ERCC6: variants seen among roughly 807,000 people sequenced by gnomAD.
ERCC6 encodes DNA excision repair protein ERCC-6.
In ERCC6, 116 loss-of-function variants were observed where a neutral mutation model predicts 158.7. The ratio of observed to expected loss-of-function variants is 0.73; its 90% CI spans 0.63 to 0.85. The LOEUF (loss-of-function observed/expected upper bound fraction) is 0.85, where lower values mean the gene tolerates loss of function less well. Among genes scored for constraint, ERCC6 ranks in the 40% least tolerant of loss-of-function variants. The pLI is 0.00. For synonymous variants in ERCC6, 678 were observed against 659.3 expected (o/e 1.03, Z -0.43); for missense variants, 1,698 against 1,799.4 (o/e 0.94, Z 1.02).
rs1227311839 is a variant in ERCC6, at chr10:49,478,456, G to A, written c.2184C>T (p.Tyr728=). 1.2e-6 allele frequency: 2 copies of A among 1,610,938 alleles called. No homozygotes were observed. Among genetic ancestry groups the A allele is most frequent in the East Asian group, 2.2e-5 (1 of 44,854 alleles). ...TATCTCGTAAGACACATGCACACTTGTAAGCAGTTTTGACCTTTAATAAGA... is the reference window on the plus strand; with the variant it reads ...TATCTCGTAAGACACATGCACACTTATAAGCAGTTTTGACCTTTAATAAGA... The part of the protein sequence containing the change: ...NASPVQVKTA[Y]KCACVLRDTI... Residue 728 remains tyrosine, a synonymous_variant, in exon 11 of 21, where the codon TAC becomes TAT. Coordinates refer to ENST00000355832, the MANE Select transcript of ERCC6 (RefSeq NM_000124.4).
chr10:49,524,018 TC>T lies in ERCC6; in HGVS notation c.1397+14del, dbSNP rs1328662202. On this transcript the variant is annotated intron_variant, in intron 5 of 20. Transcript: ENST00000355832. ...AGCAAACAGTACAATGTATTTATAA[TC>T]CCCACAGACCGACCTTAACCGCTGC... 1 of 1,612,254 alleles carries T rather than the reference TC, an allele frequency of 6.2e-7. No homozygotes were observed. Among genetic ancestry groups the T allele is most frequent in the African/African-American group, 1.3e-5 (1 of 74,886 alleles).
rs567566496 is a variant in ERCC6 at position 49,513,183 on chromosome 10, G to A, written c.1398-7171C>T. 5.3e-5 allele frequency among the ~76,000 whole-genome samples: 8 copies of A among 152,222 alleles called. No individual in the cohort carries two copies. In the East Asian group the frequency reaches 1.5e-3, roughly 29 times the overall value. ...TACTGCTGTGATCCCCATCTTACAG[G>A]TGAGTGGATACACAAGACCTCAGAG... On this transcript the variant is annotated intron_variant, in intron 5 of 20. Transcript: ENST00000355832.
chr10:49,483,571 C>A, intron 8 of ERCC6, 55 bp from the exon 9 acceptor site: 2 of 1,515,338 alleles, frequency 1.3e-6, no homozygotes, highest in Non-Finnish European at 1.8e-6. Context: ...GACACCCTTT[C>A]AATCATGACA....
At chr10:49,515,092 GCTCT>G (rs376628378) in intron 5 of ERCC6, 76 of 814,250 alleles carry the variant, frequency 9.3e-5, no homozygotes, top group Non-Finnish European at 9.0e-5. Context: ...AAGGCAATGT[GCTCT>G]CTAAGAAAAC....
At position 49,460,434 on chromosome 10, in the gene ERCC6, T is replaced by C. The variant is rs767587702; in HGVS notation, c.4001A>G (p.Lys1334Arg). ...PAGKKSRFGK[K>R]RNSNFSVQHP... ...CTGCACAGAGAAGTTAGAATTCCTT[T>C]TCTTACCAAATCTACTCCTAAAAAA... Residue 1334 changes from lysine to arginine, a missense_variant, in exon 20 of 21, where the codon AAA (lysine) becomes AGA (arginine). By Grantham distance (26) the Lys-to-Arg change is conservative (BLOSUM62 2). Coordinates refer to ENST00000355832, the MANE Select transcript of ERCC6 (RefSeq NM_000124.4). 6 of 1,612,954 alleles carry C rather than the reference T, an allele frequency of 3.7e-6. No individual in the cohort carries two copies. In the East Asian group the frequency reaches 1.3e-4, roughly 36 times the overall value.
At chr10:49,448,206 G>A in the ERCC6 span, among the ~76,000 whole-genome samples, 1 of 152,262 alleles carries the variant, frequency 6.6e-6, no homozygotes, top group Non-Finnish European at 1.5e-5. Flanking sequence ...TTGTTATTGA[G>A]TTTTAAAAAA....
chr10:49,442,342 GCGAAAGCAAAGGCACAGGGCAC>G, the ERCC6 span, among the ~76,000 whole-genome samples: 2 of 152,222 alleles, frequency 1.3e-5, no homozygotes, highest in African/African-American at 4.8e-5. Flanking sequence ...GTCTTGCAAA[GCGAAAGCAAAGGCACAGGGCAC>G]CGAATTCCCT....
chr10:49,500,586 A>G lies in ERCC6; in HGVS notation c.1637T>C (p.Leu546Ser). 1 of 1,614,032 alleles carries G rather than the reference A, an allele frequency of 6.2e-7. No homozygotes were observed. Among genetic ancestry groups the G allele is most frequent in the Non-Finnish European group, 8.5e-7 (1 of 1,179,922 alleles). The change falls in exon 7 of 21, where the codon TTG (leucine) becomes TCG (serine). Residue 546 changes from leucine to serine, a missense_variant. By Grantham distance (145) the Leu-to-Ser change is moderately radical. Coordinates refer to ENST00000355832, the MANE Select transcript of ERCC6 (RefSeq NM_000124.4). Reference protein sequence around the residue: ...LGKTIQIIAFLAGLSYSKIRT... With the variant: ...LGKTIQIIAFSAGLSYSKIRT... ...GATCTTGCTGTAGCTCAGACCTGCC[A>G]AGAAGGCAATTATCTGGATGGTCTT...
intron 8 of ERCC6, among the ~76,000 whole-genome samples, chr10:49,489,126 T>A (rs1458193855): frequency 6.6e-6 from 1 of 152,184 alleles, no homozygotes; most frequent in Admixed American, 6.5e-5. Context: ...ACTGTTTCCA[T>A]CTGGGGCCAA....
Position 49,461,386 on chromosome 10 carries a change from G to A in ERCC6, c.3949C>T (p.His1317Tyr), listed in dbSNP as rs937200876. The change falls in exon 19 of 21, where the codon CAC becomes TAC. Residue 1317 changes from histidine (H) to tyrosine (Y), a missense_variant. Transcript: ENST00000355832. ...GCTGGTGCACCAGAAATCCCCCTGTGGCCAGTCCAGGTGGGAACACCAGAC... is the reference window on the plus strand; with the variant it reads ...GCTGGTGCACCAGAAATCCCCCTGTAGCCAGTCCAGGTGGGAACACCAGAC... ...AVSGVPTWTG[H>Y]RGISGAPAGK... is the part of the protein sequence containing the mutation. 3.1e-6 allele frequency: 5 copies of A among 1,613,632 alleles called. No homozygotes were observed. Among genetic ancestry groups the A allele is most frequent in the Non-Finnish European group, 4.2e-6 (5 of 1,180,026 alleles).
At chr10:49,453,837 G>A (rs1311460325), downstream of ERCC6, among the ~76,000 whole-genome samples, 3 of 152,058 alleles carry the variant, frequency 2.0e-5, no homozygotes, top group Non-Finnish European at 4.4e-5. Context: ...CTTTTGAGAA[G>A]TCAAGTATTA....
intron 3 of ERCC6, 51 bp downstream of exon 3, chr10:49,530,669 C>T (rs1357854313): frequency 8.1e-6 from 13 of 1,603,528 alleles, no homozygotes; most frequent in Non-Finnish European, 1.1e-5. Context: ...TTAAGTGCCC[C>T]TAAATGATGA....
At chr10:49,473,444 C>T (rs1394473548) in intron 14 of ERCC6, 33 bp downstream of exon 14, 1 of 1,325,710 alleles carries the variant, frequency 7.5e-7, no homozygotes, top group Non-Finnish European at 1.1e-6. Flanking sequence ...TACAGCAGCA[C>T]CACTCAACTT....
chr10:49,500,773 T>C, intron 6 of ERCC6, 77 bp from the exon 7 acceptor site: 3 of 1,503,344 alleles, frequency 2.0e-6, no homozygotes, highest in African/African-American at 1.4e-5. Flanking sequence ...AAAGTACTCA[T>C]GAATTAATCA....
chr10:49,530,627 T>C (rs1297585818), intron 3 of ERCC6, 93 bp downstream of exon 3: 5 of 1,557,318 alleles, frequency 3.2e-6, no homozygotes, highest in African/African-American at 1.4e-5. Flanking sequence ...TTGCTTCACA[T>C]CTTATAAGCA....
intron 4 of ERCC6, among the ~76,000 whole-genome samples, chr10:49,525,932 C>T (rs1238767827): frequency 1.3e-5 from 2 of 151,474 alleles, no homozygotes; most frequent in South Asian, 2.1e-4. Context: ...CCTTCCTTCA[C>T]CCAACATTAT....
rs774391199 is a variant in ERCC6 at position 49,474,166 on chromosome 10, T to C, written c.2459A>G (p.Lys820Arg). The C allele has an allele frequency of 2.5e-6, 4 of 1,614,140 alleles. No homozygotes were observed. The highest frequency in any genetic ancestry group is 3.3e-5 in the Admixed American group (2 of 60,022). Residue 820 changes from lysine (K) to arginine (R), a missense_variant, in exon 13 of 21, where the codon AAA (lysine) becomes AGA (arginine). Lys to Arg is a conservative substitution (Grantham distance 26). Coordinates refer to ENST00000355832, the MANE Select transcript of ERCC6 (RefSeq NM_000124.4). ...TTCTAGTTCATCATCAGGAAGACCTTTGAGATTCTTGGGACCTCCAGAAAA... is the reference window on the plus strand; with the variant it reads ...TTCTAGTTCATCATCAGGAAGACCTCTGAGATTCTTGGGACCTCCAGAAAA... Reference protein sequence around the residue: ...DLFSGGPKNLKGLPDDELEED... With the variant: ...DLFSGGPKNLRGLPDDELEED...
rs1850770143 is a variant in ERCC6, at chr10:49,471,022, G to A, written c.3023C>T (p.Thr1008Ile). 1 of 1,613,942 alleles carries A rather than the reference G, an allele frequency of 6.2e-7. No individual in the cohort carries two copies. The highest frequency in any genetic ancestry group is 1.7e-5 in the Admixed American group (1 of 59,998). The change falls in exon 17 of 21, where the codon ACT becomes ATT. Residue 1008 changes from threonine (T) to isoleucine (I), a missense_variant. Thr to Ile is a moderately conservative substitution (Grantham distance 89, BLOSUM62 -1). Coordinates refer to ENST00000355832, the MANE Select transcript of ERCC6 (RefSeq NM_000124.4). ...AGTGCTCTGGGATGCATCAGGACTA[G>A]TCAGAGTAAATAGCTCATAGAGATC... ...SNDLYELFTL[T>I]SPDASQSTET... is the part of the protein sequence containing the mutation.
chr10:49,451,937 C>T (rs1479025512), downstream of ERCC6, among the ~76,000 whole-genome samples: 1 of 151,972 alleles, frequency 6.6e-6, no homozygotes, highest in East Asian at 1.9e-4. Flanking sequence ...TTCAGATTGC[C>T]CATTTCTGTA....
Sources: allele counts gnomAD v4.1 joint callset (sites outside exome capture counted in the v4.1 genomes callset), GRCh38; gene constraint gnomAD v4.1.1; transcripts MANE v1.5; gene names NCBI Gene and HGNC (gene_info 2026-07-23, HGNC 2026-07-21).